Variants in FNDC3A observed in about 807,000 individuals in gnomAD.
FNDC3A encodes the protein fibronectin type-III domain-containing protein 3A.
Under a neutral mutation model 148.9 loss-of-function variants are expected in FNDC3A, and 32 were observed. The observed-to-expected ratio is 0.21, with a 90% CI of 0.16 to 0.29. The LOEUF is 0.29. Among genes scored for constraint, FNDC3A ranks in the 10% least tolerant of loss-of-function variants. FNDC3A has a pLI of 1.00. For missense variants in FNDC3A, 1,191 were observed against 1,452.8 expected, an observed-to-expected ratio of 0.82 and a Z score of 2.93; for synonymous variants, 472 against 473.6, an observed-to-expected ratio of 1.00 and a Z score of 0.04.
At chr13:49,184,489 T>C (rs151141329) in intron 14 of FNDC3A, among the ~76,000 whole-genome samples, 81 of 152,214 alleles carry the variant, frequency 5.3e-4, no homozygotes, top group African/African-American at 1.7e-3. Flanking sequence ...TAGTAAGAGA[T>C]TGGATGCGGT....
intron 2 of FNDC3A, among the ~76,000 whole-genome samples, chr13:49,020,260 A>G (rs1775729671): frequency 6.6e-6 from 1 of 152,214 alleles, no homozygotes; most frequent in Admixed American, 6.5e-5. Context: ...AAAAACCTGA[A>G]TTAAGGTCAT....
intron 8 of FNDC3A, among the ~76,000 whole-genome samples, chr13:49,160,699 T>C (rs1253584246): frequency 2.0e-5 from 3 of 152,022 alleles, no homozygotes; most frequent in Admixed American, 1.3e-4. Context: ...CTAGTTCTTT[T>C]AATTGTGATG....
chr13:49,142,894 C>G (rs555759685), intron 7 of FNDC3A, among the ~76,000 whole-genome samples: 1 of 152,242 alleles, frequency 6.6e-6, no homozygotes, highest in Admixed American at 6.5e-5. Context: ...GAGTCTTGCT[C>G]TTTCACCCAG....
chr13:49,075,436 A>G (rs1315308460), intron 3 of FNDC3A, 72 bp downstream of exon 3: 8 of 805,100 alleles, frequency 9.9e-6, no homozygotes, highest in East Asian at 2.6e-5. Flanking sequence ...ATAATAGTGT[A>G]TATGCCTATG....
chr13:49,035,690 C>T (rs1236068703), intron 2 of FNDC3A, among the ~76,000 whole-genome samples: 1 of 152,024 alleles, frequency 6.6e-6, no homozygotes, highest in African/African-American at 2.4e-5. Context: ...GTAACTGTCT[C>T]CCTTACTGAT....
chr13:49,131,826 G>A (rs1882054856), intron 5 of FNDC3A, among the ~76,000 whole-genome samples: 1 of 152,150 alleles, frequency 6.6e-6, no homozygotes. Context: ...AATAAATAAA[G>A]TTAATAAATA....
intron 1 of FNDC3A, among the ~76,000 whole-genome samples, chr13:48,986,355 A>C (rs562348017): frequency 1.6e-4 from 23 of 146,848 alleles, no homozygotes; most frequent in African/African-American, 5.5e-4. Flanking sequence ...CAGAAGCTTA[A>C]GAGGAAGACA....
intron 1 of FNDC3A, among the ~76,000 whole-genome samples, chr13:48,977,588 A>G (rs1222892548): frequency 6.6e-6 from 1 of 152,140 alleles, no homozygotes; most frequent in African/African-American, 2.4e-5. Flanking sequence ...TTCTTAAGTA[A>G]TGAGATGAAG....
At chr13:49,195,595 T>C (rs1280417510) in intron 19 of FNDC3A, among the ~76,000 whole-genome samples, 1 of 152,264 alleles carries the variant, frequency 6.6e-6, no homozygotes, top group Non-Finnish European at 1.5e-5. Flanking sequence ...AAACTTGATA[T>C]TTTTAAAATC....
At chr13:49,117,228 G>A (rs1881027954) in intron 4 of FNDC3A, among the ~76,000 whole-genome samples, 3 of 152,014 alleles carry the variant, frequency 2.0e-5, no homozygotes. Flanking sequence ...GCATTTCTTT[G>A]GTCATAAAGA....
chr13:49,178,426 G>A (rs770279509), intron 13 of FNDC3A, 142 bp from the exon 14 acceptor site: 9 of 587,558 alleles, frequency 1.5e-5, no homozygotes, highest in Non-Finnish European at 2.7e-5. Flanking sequence ...AAGCATCGAG[G>A]TGAGGATTCC....
intron 17 of FNDC3A, among the ~76,000 whole-genome samples, chr13:49,189,427 G>A (rs1220749935): frequency 2.0e-5 from 3 of 151,770 alleles, no homozygotes; most frequent in East Asian, 1.9e-4. Context: ...GTGATCCACC[G>A]GCCTCAGCCT....
At chr13:48,991,159 A>G (rs1028893158) in intron 1 of FNDC3A, among the ~76,000 whole-genome samples, 6 of 152,346 alleles carry the variant, frequency 3.9e-5, no homozygotes, top group African/African-American at 1.2e-4. Flanking sequence ...GTTGGATACA[A>G]TTTTTTAAAA....
At chr13:49,165,658 G>A (rs1013306828) in intron 8 of FNDC3A, among the ~76,000 whole-genome samples, 1 of 152,202 alleles carries the variant, frequency 6.6e-6, no homozygotes, top group Non-Finnish European at 1.5e-5. Flanking sequence ...CCTCTAGGCA[G>A]CTTGCTCAGG....
At chr13:49,129,780 T>C (rs1221185649) in intron 4 of FNDC3A, among the ~76,000 whole-genome samples, 1 of 152,108 alleles carries the variant, frequency 6.6e-6, no homozygotes, top group Non-Finnish European at 1.5e-5. Flanking sequence ...GTTAGAAGAG[T>C]CATGTCACAC....
At chr13:49,087,226 A>T (rs556957485) in intron 3 of FNDC3A, among the ~76,000 whole-genome samples, 30 of 152,252 alleles carry the variant, frequency 2.0e-4, no homozygotes, top group African/African-American at 4.6e-4. Context: ...GATTAAAAAA[A>T]TTTTTTAATG....
intron 3 of FNDC3A, among the ~76,000 whole-genome samples, chr13:49,095,977 A>G (rs995634690): frequency 6.6e-6 from 1 of 152,080 alleles, no homozygotes; most frequent in Non-Finnish European, 1.5e-5. Context: ...TGATTTTTAG[A>G]CACTACCTAG....
chr13:48,989,235 A>G (rs1241511615), intron 1 of FNDC3A, among the ~76,000 whole-genome samples: 2 of 152,358 alleles, frequency 1.3e-5, no homozygotes, highest in East Asian at 1.9e-4. Flanking sequence ...TGTTATAACA[A>G]ATCTCCAGAT....
At chr13:48,983,260 G>T (rs982989597) in intron 1 of FNDC3A, among the ~76,000 whole-genome samples, 1 of 152,094 alleles carries the variant, frequency 6.6e-6, no homozygotes, top group Non-Finnish European at 1.5e-5. Context: ...ATATTTAAAT[G>T]CAAAATGTTT....
Sources: allele counts gnomAD v4.1 joint callset (sites outside exome capture counted in the v4.1 genomes callset), GRCh38; gene constraint gnomAD v4.1.1; transcripts MANE v1.5; gene names NCBI Gene and HGNC (gene_info 2026-07-23, HGNC 2026-07-21).